LRRC18: variants seen among roughly 807,000 people sequenced by gnomAD.
The protein encoded by LRRC18 is leucine-rich repeat-containing protein 18.
Under a neutral mutation model 11.2 loss-of-function variants are expected in LRRC18, and 12 were observed. That is an observed-to-expected ratio of 1.07 (90% CI 0.69 to 1.74). The LOEUF (loss-of-function observed/expected upper bound fraction) is 1.74. LRRC18 is among the 40% of genes most tolerant of loss of function. The probability of loss-of-function intolerance (pLI) is 0.00; values close to 1 mark genes in which losing one functional copy is unlikely to be tolerated. For synonymous variants in LRRC18, 155 were observed against 130.6 expected, an observed-to-expected ratio of 1.19 and a Z score of -1.27; for missense variants, 374 against 330.5, an observed-to-expected ratio of 1.13 and a Z score of -1.02.
At chr10:48,922,506 G>T in the LRRC18 span, among the ~76,000 whole-genome samples, 1 of 152,186 alleles carries the variant, frequency 6.6e-6, no homozygotes, top group Non-Finnish European at 1.5e-5. Context: ...CTGTGAAGTT[G>T]AGAACAGTAA....
At chr10:48,927,290 T>G in the LRRC18 span, among the ~76,000 whole-genome samples, 1 of 152,134 alleles carries the variant, frequency 6.6e-6, no homozygotes, top group African/African-American at 2.4e-5. Flanking sequence ...TGCCCGTGTC[T>G]TCATAAAGTG....
exon 2 of LRRC18, chr10:48,909,564 G>A (rs1192981040): frequency 1.3e-5 from 2 of 152,142 alleles, no homozygotes; most frequent in African/African-American, 4.8e-5. Flanking sequence ...TGAGGGCTTT[G>A]GGGTATAGGT....
chr10:48,915,847 G>C (rs183116551), upstream of LRRC18, among the ~76,000 whole-genome samples: 1 of 152,286 alleles, frequency 6.6e-6, no homozygotes, highest in East Asian at 1.9e-4. Context: ...CTTGTAAGCT[G>C]ACCCTAGTCT....
chr10:48,938,900 GATGTCCCCTGT>G, the LRRC18 span, among the ~76,000 whole-genome samples: 1 of 152,188 alleles, frequency 6.6e-6, no homozygotes, highest in Non-Finnish European at 1.5e-5. Flanking sequence ...GGGTTGATGT[GATGTCCCCTGT>G]ATGTCCGCCT....
intron 1 of LRRC18, among the ~76,000 whole-genome samples, 184 bp from the exon 4 acceptor site, chr10:48,910,442 T>C (rs1399420547): frequency 6.6e-6 from 1 of 152,166 alleles, no homozygotes; most frequent in Non-Finnish European, 1.5e-5. Flanking sequence ...TATGAAGTAT[T>C]TTTATGCTTA....
At chr10:48,912,158 T>C (rs1838064600) in intron 1 of LRRC18, among the ~76,000 whole-genome samples, 1 of 152,226 alleles carries the variant, frequency 6.6e-6, no homozygotes, top group Non-Finnish European at 1.5e-5. Flanking sequence ...TTCTCAGCTA[T>C]TGTGAGGATT....
In LRRC18 at chr10:48,913,024, G is replaced by A. The variant is rs928224070; in HGVS notation, c.764+368C>T. Among the ~76,000 whole-genome samples the A allele has an allele frequency of 4.6e-5, 7 of 152,298 alleles. No individual in the cohort carries two copies. In the South Asian group the frequency reaches 1.0e-3, roughly 23 times the overall value. On this transcript the variant is annotated intron_variant, in intron 1 of 1. Transcript: ENST00000374160. ...TTAAATAACTTCACATTTGGGATCTGGCAGTGGGCTCTGAAATGCCAGTGA... is the reference window on the plus strand; with the variant it reads ...TTAAATAACTTCACATTTGGGATCTAGCAGTGGGCTCTGAAATGCCAGTGA...
intron 1 of LRRC18, chr10:48,910,819 G>T: frequency 1.4e-6 from 1 of 699,606 alleles, no homozygotes; most frequent in Non-Finnish European, 1.8e-6. Flanking sequence ...TGAGGACCAA[G>T]CATGGCAAGA....
At chr10:48,922,518 T>C in the LRRC18 span, among the ~76,000 whole-genome samples, 1 of 152,250 alleles carries the variant, frequency 6.6e-6, no homozygotes, top group East Asian at 1.9e-4. Flanking sequence ...GAACAGTAAA[T>C]TGTTGAAATT....
chr10:48,910,917 C>T (rs1034325860), intron 1 of LRRC18: 2 of 985,114 alleles, frequency 2.0e-6, no homozygotes, highest in Non-Finnish European at 2.4e-6. Flanking sequence ...CTCTTAACTT[C>T]TCTCCTTTGC....
the LRRC18 span, among the ~76,000 whole-genome samples, chr10:48,928,533 C>A: frequency 1.5e-3 from 233 of 152,280 alleles, 2 homozygotes; most frequent in Non-Finnish European, 4.0e-4. Flanking sequence ...TGGACCGTGA[C>A]CCCTGCCTCC....
At chr10:48,913,875 T>G (rs766642607) in exon 1 of LRRC18, 2 of 1,614,176 alleles carry the variant, frequency 1.2e-6, no homozygotes, top group Non-Finnish European at 1.7e-6. Context: ...GCTGGTCATC[T>G]GGCCAATGGA....
the LRRC18 span, among the ~76,000 whole-genome samples, chr10:48,938,833 A>G: frequency 6.6e-6 from 1 of 152,192 alleles, no homozygotes; most frequent in Non-Finnish European, 1.5e-5. Context: ...TAATCTTTCC[A>G]TCTTTGAAGT....
At chr10:48,919,285 T>TA in the LRRC18 span, among the ~76,000 whole-genome samples, 9 of 151,440 alleles carry the variant, frequency 5.9e-5, no homozygotes, top group African/African-American at 1.7e-4. Flanking sequence ...CAAACAACTC[T>TA]AAAAAAAAGA....
upstream of LRRC18, among the ~76,000 whole-genome samples, chr10:48,917,544 G>T (rs1264597284): frequency 6.6e-6 from 1 of 152,212 alleles, no homozygotes; most frequent in Non-Finnish European, 1.5e-5. Context: ...AGGAATGACT[G>T]CAGGTTTCTC....
At chr10:48,925,527 A>G in the LRRC18 span, among the ~76,000 whole-genome samples, 5 of 152,238 alleles carry the variant, frequency 3.3e-5, no homozygotes, top group South Asian at 1.0e-3. Flanking sequence ...ATTTAGGAAT[A>G]TAGATTCCTT....
the LRRC18 span, among the ~76,000 whole-genome samples, chr10:48,924,839 G>C: frequency 6.6e-6 from 1 of 152,154 alleles, no homozygotes; most frequent in Non-Finnish European, 1.5e-5. Flanking sequence ...GAATTTGTCT[G>C]GTGCTTCACA....
the LRRC18 span, among the ~76,000 whole-genome samples, chr10:48,925,732 AAGCAGGGGTTGGAATCTT>A: frequency 3.9e-5 from 6 of 152,050 alleles, no homozygotes; most frequent in African/African-American, 1.4e-4. Flanking sequence ...AGAGATGCAG[AAGCAGGGGTTGGAATCTT>A]ACAGGGACTC....
chr10:48,914,173 G>A lies in LRRC18; in HGVS notation c.-18C>T, dbSNP rs183102845. The stretch of plus-strand genomic sequence containing the variant: ...TTAACCATGTTCTTTTAGTAAGGGA[G>A]TGTTAGAAGTTTATTGTTCTGATTG... On this transcript the variant is annotated 5_prime_UTR_variant, in exon 1 of 2. Transcript: ENST00000374160. The A allele has an allele frequency of 1.1e-4, 171 of 1,604,306 alleles. No homozygotes were observed. The African/African-American group carries it at 2.0e-3, about 19-fold the overall frequency.
Sources: allele counts gnomAD v4.1 joint callset (sites outside exome capture counted in the v4.1 genomes callset), GRCh38; gene constraint gnomAD v4.1.1; transcripts MANE v1.5; gene names NCBI Gene and HGNC (gene_info 2026-07-23, HGNC 2026-07-21).